Variants in SIRT1 observed in about 807,000 individuals in gnomAD.
SIRT1 encodes the protein NAD-dependent protein deacetylase sirtuin-1.
SIRT1 carries 24 observed loss-of-function variants against 67.9 expected under a neutral mutation model. The observed-to-expected ratio is 0.35, with a 90% CI of 0.26 to 0.50. The LOEUF (loss-of-function observed/expected upper bound fraction) is 0.50, where lower values mean the gene tolerates loss of function less well. Ranked by LOEUF, SIRT1 falls within the 20% of genes least tolerant of loss-of-function variation. The pLI is 0.98. For missense variants in SIRT1, 873 were observed against 937.2 expected (o/e 0.93, Z 0.89); for synonymous variants, 378 against 350.7 (o/e 1.08, Z -0.87).
chr10:67,891,765 GAGAT>G (rs764218170), intron 4 of SIRT1, among the ~76,000 whole-genome samples: 4 of 152,184 alleles, frequency 2.6e-5, no homozygotes, highest in Non-Finnish European at 5.9e-5. Flanking sequence ...TATTTTCAAA[GAGAT>G]AGTTCATATT....
At chr10:67,889,212 T>A in intron 3 of SIRT1, 89 bp downstream of exon 3, 3 of 1,371,314 alleles carry the variant, frequency 2.2e-6, no homozygotes, top group Admixed American at 2.3e-5. Flanking sequence ...TAGAAGGATT[T>A]ATCCTTACAT....
At chr10:67,886,451 G>C (rs573379300) in intron 1 of SIRT1, among the ~76,000 whole-genome samples, 2 of 151,494 alleles carry the variant, frequency 1.3e-5, no homozygotes, top group Admixed American at 1.3e-4. Context: ...AAAGCGGGAC[G>C]TGGTGTCGCA....
At chr10:67,903,997 C>G (rs558319657) in intron 4 of SIRT1, among the ~76,000 whole-genome samples, 1 of 152,028 alleles carries the variant, frequency 6.6e-6, no homozygotes, top group Non-Finnish European at 1.5e-5. Flanking sequence ...AATCCATATT[C>G]TATCTGTAAG....
chr10:67,906,756 A>T (rs200451025), intron 4 of SIRT1, 34 bp from the exon 5 acceptor site: 305 of 1,594,432 alleles, frequency 1.9e-4, no homozygotes, highest in Non-Finnish European at 2.5e-4. Flanking sequence ...TTATTTCACT[A>T]ATGTAAATTT....
chr10:67,887,218 C>T (rs33957861), intron 1 of SIRT1, among the ~76,000 whole-genome samples, 199 bp from the exon 2 acceptor site: 16,901 of 152,152 alleles, frequency 0.11, 972 homozygotes, highest in South Asian at 0.15. Flanking sequence ...TAGATTTTGG[C>T]TGAAACTGAG....
rs34268909 is a variant in SIRT1 at position 67,890,901 on chromosome 10, G to A, written c.790-501G>A. On this transcript the variant is annotated intron_variant, in intron 3 of 8. Coordinates refer to ENST00000212015, the MANE Select transcript of SIRT1 (RefSeq NM_012238.5). ...AAAAATCAGCCGGTCGCGGTGGCAG[G>A]CACCTGCATTCCCAGCTAATCAGTA... is the stretch of plus-strand genomic sequence containing the variant. Among the ~76,000 whole-genome samples, 420 of 151,680 alleles carry A rather than the reference G, an allele frequency of 2.8e-3. 1 individual carries two copies. Among genetic ancestry groups the A allele is most frequent in the African/African-American group, 9.7e-3 (401 of 41,364 alleles).
Position 67,906,169 on chromosome 10 carries a change from C to T in SIRT1, c.943-621C>T. 4 of 1,368,298 alleles carry T rather than the reference C, an allele frequency of 2.9e-6. No homozygotes were observed. In the South Asian group the frequency reaches 5.9e-5, roughly 20 times the overall value. The allele number at this position is 1,368,298 out of a possible 1,614,324, so 84.8% of individuals were successfully genotyped here. ...GAATTCTTTGTTTTTAAAGAAGAAACAGCATTGAAGCATTATTTGGGGGGA... is the reference window on the plus strand; with the variant it reads ...GAATTCTTTGTTTTTAAAGAAGAAATAGCATTGAAGCATTATTTGGGGGGA... On this transcript the variant is annotated intron_variant, in intron 4 of 8. Coordinates refer to ENST00000212015, the MANE Select transcript of SIRT1 (RefSeq NM_012238.5).
chr10:67,916,874 G>T lies in SIRT1; in HGVS notation c.*281G>T, dbSNP rs1423492693. On this transcript the variant is annotated 3_prime_UTR_variant, in exon 9 of 9. Transcript: ENST00000212015. ...CTAACTTTCTTTTAAAGGTTCATTT[G>T]TATGATAAATTCATATGTGTATATA... 2 of 225,730 alleles carry T rather than the reference G, an allele frequency of 8.9e-6. No individual in the cohort carries two copies. Among genetic ancestry groups the T allele is most frequent in the Non-Finnish European group, 1.7e-5 (2 of 117,946 alleles). 14.0% of individuals were successfully genotyped at this position (225,730 alleles called of 1,614,324 possible).
At chr10:67,900,141 T>TTTTATTTA (rs1009928072) in intron 4 of SIRT1, among the ~76,000 whole-genome samples, 4 of 152,046 alleles carry the variant, frequency 2.6e-5, no homozygotes, top group African/African-American at 4.8e-5. Flanking sequence ...CAGCTTTATT[T>TTTTATTTA]TTTATTTATT....
chr10:67,897,290 G>T (rs1225991384), intron 4 of SIRT1, among the ~76,000 whole-genome samples: 1 of 141,966 alleles, frequency 7.0e-6, no homozygotes, highest in African/African-American at 2.6e-5. Flanking sequence ...ACTGTATTTT[G>T]TTTTTTTTTT....
intron 1 of SIRT1, among the ~76,000 whole-genome samples, chr10:67,886,626 C>T (rs1351062464): frequency 6.6e-6 from 1 of 150,588 alleles, no homozygotes; most frequent in Non-Finnish European, 1.5e-5. Flanking sequence ...TGATTTCAAG[C>T]AACACAGTTG....
chr10:67,906,771 T>C lies in SIRT1; in HGVS notation c.943-19T>C. On this transcript the variant is annotated intron_variant, in intron 4 of 8. Transcript: ENST00000212015. ...TTATTTCACTAATGTAAATTTTTTC[T>C]ACCATTTGCTTGATACAGGAAATAT... 1 of 1,603,180 alleles carries C rather than the reference T, an allele frequency of 6.2e-7. No individual in the cohort carries two copies. Among genetic ancestry groups the C allele is most frequent in the African/African-American group, 1.3e-5 (1 of 74,406 alleles).
chr10:67,891,874 A>G (rs1443733179), intron 4 of SIRT1, among the ~76,000 whole-genome samples: 1 of 152,218 alleles, frequency 6.6e-6, no homozygotes, highest in Non-Finnish European at 1.5e-5. Context: ...TGTGATTTTT[A>G]ATATTTTATT....
chr10:67,906,038 C>G lies in SIRT1; in HGVS notation c.943-752C>G, dbSNP rs994633927. ...AAGGAAAAAGTAGAGAATAAACTTC[C>G]TTTGCCATAGTCACTTACTAAATGG... is the stretch of plus-strand genomic sequence containing the variant. On this transcript the variant is annotated intron_variant, in intron 4 of 8. Coordinates refer to ENST00000212015, the MANE Select transcript of SIRT1 (RefSeq NM_012238.5). 3.8e-6 allele frequency: 3 copies of G among 789,640 alleles called. No individual in the cohort carries two copies. In the African/African-American group the frequency reaches 5.4e-5, roughly 14 times the overall value. 48.9% of individuals were successfully genotyped at this position (789,640 alleles called of 1,614,324 possible).
chr10:67,899,166 C>G (rs573926213), intron 4 of SIRT1, among the ~76,000 whole-genome samples: 1 of 151,792 alleles, frequency 6.6e-6, no homozygotes, highest in African/African-American at 2.4e-5. Context: ...GAAATAAAAT[C>G]CTCTATTAGG....
In SIRT1 at chr10:67,916,666, C is replaced by T. The variant is rs2029923356; in HGVS notation, c.*73C>T. ...TTTAGCATGTCAAAATGAATGTTTACTTGTGAACTCGATAGAGCAAGGAAA... is the reference window on the plus strand; with the variant it reads ...TTTAGCATGTCAAAATGAATGTTTATTTGTGAACTCGATAGAGCAAGGAAA... On this transcript the variant is annotated 3_prime_UTR_variant, in exon 9 of 9. Transcript: ENST00000212015. 2.4e-6 allele frequency: 3 copies of T among 1,267,478 alleles called. No homozygotes were observed. Among genetic ancestry groups the T allele is most frequent in the Admixed American group, 4.5e-5 (2 of 44,648 alleles). 78.5% of individuals were successfully genotyped at this position (1,267,478 alleles called of 1,614,324 possible).
Position 67,912,947 on chromosome 10 carries a change from A to G in SIRT1, c.1831A>G (p.Asn611Asp). The part of the protein sequence containing the change: ...KNVGSSTGEK[N>D]ERTSVAGTVR... ...TGTTGGTTCTAGTACTGGGGAGAAAAATGAAAGAACTTCAGTGGCTGGAAC... is the reference window on the plus strand; with the variant it reads ...TGTTGGTTCTAGTACTGGGGAGAAAGATGAAAGAACTTCAGTGGCTGGAAC... The change falls in exon 8 of 9, where the codon AAT (asparagine) becomes GAT (aspartate). Residue 611 changes from asparagine to aspartate, a missense_variant. Around this residue, in one of 3 missense-constraint regions of SIRT1, gnomAD observed 295 missense variants for 294.5 expected, o/e 1.00. Coordinates refer to ENST00000212015, the MANE Select transcript of SIRT1 (RefSeq NM_012238.5). 2 of 1,614,146 alleles carry G rather than the reference A, an allele frequency of 1.2e-6. No homozygotes were observed. The highest frequency in any genetic ancestry group is 1.6e-4 in the Middle Eastern group (1 of 6,062).
chr10:67,900,062 C>T (rs954261749), intron 4 of SIRT1, among the ~76,000 whole-genome samples: 13 of 151,902 alleles, frequency 8.6e-5, no homozygotes, highest in African/African-American at 3.1e-4. Context: ...CCAGCCTGGG[C>T]AACAGAGCGA....
intron 3 of SIRT1, among the ~76,000 whole-genome samples, chr10:67,890,989 C>T (rs1393640853): frequency 6.8e-6 from 1 of 146,802 alleles, no homozygotes; most frequent in Admixed American, 6.9e-5. Flanking sequence ...GAGATCGCAC[C>T]ACTGCACTCC....
Sources: allele counts gnomAD v4.1 joint callset (sites outside exome capture counted in the v4.1 genomes callset), GRCh38; gene constraint gnomAD v4.1.1; regional missense constraint gnomAD v4.1.1; transcripts MANE v1.5; gene names NCBI Gene and HGNC (gene_info 2026-07-23, HGNC 2026-07-21).